The following CUX1 variants were observed in gnomAD, a reference collection of about 807,000 sequenced individuals.
CUX1 encodes the protein protein CASP.
CUX1 carries 31 observed loss-of-function variants against 158.8 expected under a neutral mutation model. That is an observed-to-expected ratio of 0.20 (90% CI 0.15 to 0.26). The LOEUF is 0.26. Ranked by LOEUF, CUX1 falls within the 10% of genes least tolerant of loss-of-function variation. The pLI, the probability that CUX1 is intolerant of heterozygous loss-of-function variation, is 1.00. For synonymous variants in CUX1, 879 were observed against 862.1 expected (o/e 1.02, Z -0.34); for missense variants, 1,589 against 2,014.6 (o/e 0.79, Z 4.04).
chr7:102,138,374 C>T (rs1303028093), intron 8 of CUX1, among the ~76,000 whole-genome samples: 1 of 151,686 alleles, frequency 6.6e-6, no homozygotes, highest in Non-Finnish European at 1.5e-5. Context: ...TTTTCTAATT[C>T]ACAGTATCTC....
chr7:102,253,935 T>C lies in CUX1; in HGVS notation c.*4893T>C, dbSNP rs1002391582. On this transcript the variant is annotated 3_prime_UTR_variant, in exon 24 of 24. Coordinates refer to ENST00000292535, the MANE Select transcript of CUX1 (RefSeq NM_181552.4). ...CACACTCCTCATTGTCCCTTCTACC[T>C]CACTAACCTGTCTTCTCCATCTGAT... 3.0e-6 allele frequency: 3 copies of C among 985,382 alleles called. No individual in the cohort carries two copies. The highest frequency in any genetic ancestry group is 2.3e-4 in the East Asian group (2 of 8,826). The allele number at this position is 985,382 out of a possible 1,614,324, so 61.0% of individuals were successfully genotyped here.
At chr7:102,273,035 A>T (rs1554546626) in intron 14 of CUX1, among the ~76,000 whole-genome samples, 1 of 152,222 alleles carries the variant, frequency 6.6e-6, no homozygotes, top group African/African-American at 2.4e-5. Flanking sequence ...GGGGCTGGCC[A>T]GGGCCCCCCA....
intron 8 of CUX1, among the ~76,000 whole-genome samples, chr7:102,126,489 CT>C (rs1157045825): frequency 1.3e-5 from 2 of 152,116 alleles, no homozygotes; most frequent in Non-Finnish European, 2.9e-5. Context: ...TTTCCATAGT[CT>C]TTTTTTCTAT....
Position 102,251,439 on chromosome 7 carries a change from AAG to A in CUX1, c.*2400_*2401del, listed in dbSNP as rs2132654169. 1.0e-6 allele frequency: 1 copy of A among 985,404 alleles called. No individual in the cohort carries two copies. The highest frequency in any genetic ancestry group is 1.2e-6 in the Non-Finnish European group (1 of 829,936). The allele number at this position is 985,404 out of a possible 1,614,324, so 61.0% of individuals were successfully genotyped here. A position where few individuals can be genotyped will look rare whatever the true frequency, so the allele number is the denominator to read the frequency against. The stretch of plus-strand genomic sequence containing the variant: ...CTTAGTTCACGTTTTCACAAATTTC[AAG>A]AGTCACTACACTAAAGACAATGCCT... On this transcript the variant is annotated 3_prime_UTR_variant, in exon 24 of 24. Coordinates refer to ENST00000292535, the MANE Select transcript of CUX1 (RefSeq NM_181552.4).
intron 1 of CUX1, among the ~76,000 whole-genome samples, chr7:101,819,325 C>A (rs1435092652): frequency 6.6e-6 from 1 of 152,194 alleles, no homozygotes; most frequent in Non-Finnish European, 1.5e-5. Context: ...AAGCTCATGG[C>A]ACTCTGTATG....
chr7:102,030,373 C>G (rs77859486), intron 3 of CUX1, among the ~76,000 whole-genome samples: 7,660 of 152,094 alleles, frequency 0.05, 282 homozygotes, highest in Middle Eastern at 0.11. Flanking sequence ...TACCTCCCCC[C>G]TCCCCTCCCC....
At chr7:101,940,242 G>GAAAA (rs61429755) in intron 2 of CUX1, among the ~76,000 whole-genome samples, 1 of 140,344 alleles carries the variant, frequency 7.1e-6, no homozygotes, top group Non-Finnish European at 1.5e-5. Flanking sequence ...CCTGTCTCAG[G>GAAAA]AAAAAAAAAA....
intron 6 of CUX1, among the ~76,000 whole-genome samples, chr7:102,111,079 TAATC>T (rs1243557630): frequency 1.3e-5 from 2 of 152,022 alleles, no homozygotes; most frequent in Non-Finnish European, 2.9e-5. Context: ...GATATAAAAA[TAATC>T]AACTTATTTT....
chr7:102,120,914 A>G (rs1167777003), intron 8 of CUX1, among the ~76,000 whole-genome samples: 2 of 152,084 alleles, frequency 1.3e-5, no homozygotes, highest in Non-Finnish European at 2.9e-5. Flanking sequence ...AAAATACAAA[A>G]ATTATCTGGG....
At chr7:101,998,467 C>A (rs1321246865) in intron 2 of CUX1, among the ~76,000 whole-genome samples, 1 of 152,228 alleles carries the variant, frequency 6.6e-6, no homozygotes, top group East Asian at 1.9e-4. Flanking sequence ...GGCATCTTTC[C>A]CAGCCCGGGC....
At chr7:102,186,301 G>A (rs1344321617) in intron 11 of CUX1, among the ~76,000 whole-genome samples, 4 of 152,034 alleles carry the variant, frequency 2.6e-5, no homozygotes, top group Non-Finnish European at 4.4e-5. Context: ...GAGAAGCGTC[G>A]CCAAGCAGCC....
chr7:101,838,743 C>T (rs1219074254), intron 1 of CUX1, among the ~76,000 whole-genome samples: 1 of 151,712 alleles, frequency 6.6e-6, no homozygotes, highest in African/African-American at 2.4e-5. Context: ...GTAGAGGTTG[C>T]AGTGAGCCGA....
intron 1 of CUX1, among the ~76,000 whole-genome samples, chr7:101,889,292 C>G (rs1160873730): frequency 7.2e-6 from 1 of 138,010 alleles, no homozygotes; most frequent in Non-Finnish European, 1.6e-5. Context: ...TGAGAGAGAT[C>G]GTTTCCCGAG....
Position 102,239,489 on chromosome 7 carries a change from G to A in CUX1, c.3792G>A (p.Gln1264=), listed in dbSNP as rs781865068. 6.8e-6 allele frequency: 11 copies of A among 1,614,040 alleles called. No homozygotes were observed. In the African/African-American group the frequency reaches 1.5e-4, roughly 22 times the overall value. The stretch of plus-strand genomic sequence containing the variant: ...AGGAGGCGCTGAAACGAGCGTATCA[G>A]CAAAAGCCATACCCGTCACCAAAAA... The part of the protein sequence containing the change: ...EEKEALKRAY[Q]QKPYPSPKTI... Residue 1264 remains glutamine, a synonymous_variant, in exon 23 of 24, where the codon CAG becomes CAA. Transcript: ENST00000292535.
intron 3 of CUX1, among the ~76,000 whole-genome samples, chr7:102,033,587 G>T (rs971098274): frequency 6.6e-6 from 1 of 152,162 alleles, no homozygotes; most frequent in African/African-American, 2.4e-5. Flanking sequence ...AGTCGAAAAA[G>T]TTCCAAAATT....
intron 6 of CUX1, 127 bp from the exon 7 acceptor site, chr7:102,111,571 G>GC: frequency 1.3e-6 from 1 of 791,956 alleles, no homozygotes; most frequent in Non-Finnish European, 2.1e-6. Context: ...GTCGTTGCGG[G>GC]CGATACCCCG....
intron 4 of CUX1, among the ~76,000 whole-genome samples, chr7:102,086,670 C>T (rs1554480619): frequency 2.0e-5 from 3 of 151,508 alleles, no homozygotes; most frequent in Non-Finnish European, 2.9e-5. Context: ...AGTGCAGTGA[C>T]ACGACTTTGG....
At chr7:102,098,951 A>G (rs1254140496) in intron 5 of CUX1, among the ~76,000 whole-genome samples, 2 of 149,792 alleles carry the variant, frequency 1.3e-5, no homozygotes, top group African/African-American at 4.9e-5. Context: ...GAGCCACCGC[A>G]CCCAGCCAAT....
chr7:102,030,201 G>A (rs747081978), intron 3 of CUX1, among the ~76,000 whole-genome samples: 8 of 152,162 alleles, frequency 5.3e-5, no homozygotes, highest in East Asian at 1.9e-4. Context: ...TAGTAGAGAC[G>A]GGGTTTCATC....
Sources: allele counts gnomAD v4.1 joint callset (sites outside exome capture counted in the v4.1 genomes callset), GRCh38; gene constraint gnomAD v4.1.1; transcripts MANE v1.5; gene names NCBI Gene and HGNC (gene_info 2026-07-23, HGNC 2026-07-21).